COPS3: variants seen among roughly 807,000 people sequenced by gnomAD.
COPS3 encodes COP9 signalosome complex subunit 3.
COPS3 carries 10 observed loss-of-function variants against 58.2 expected under a neutral mutation model. That is an observed-to-expected ratio of 0.17 (90% confidence interval 0.11 to 0.29). The LOEUF is 0.29. Among genes scored for constraint, COPS3 ranks in the 10% least tolerant of loss-of-function variants. The probability of loss-of-function intolerance (pLI) is 1.00; values close to 1 mark genes in which losing one functional copy is unlikely to be tolerated. For missense variants in COPS3, 333 were observed against 510.1 expected (o/e 0.65, Z 3.34); for synonymous variants, 187 against 181.7 (o/e 1.03, Z -0.24).
rs764813786 is a variant in COPS3 at position 17,280,550 on chromosome 17, AAAG to A, written c.55+579_55+581del. 1.5e-3 allele frequency: 1,725 copies of A among 1,187,834 alleles called. 11 individuals carry two copies. The highest frequency in any genetic ancestry group is 6.7e-3 in the East Asian group (92 of 13,680). 73.6% of individuals were successfully genotyped at this position (1,187,834 alleles called of 1,614,324 possible). Reference sequence around the variant, plus strand: ...ACTCCAGCCTCGGCTAAAAAAAAACAAAGAAGAAGAAATGGAGTCCTACGAGCG... The same window carrying A: ...ACTCCAGCCTCGGCTAAAAAAAAACAAAGAAGAAATGGAGTCCTACGAGCG... On this transcript the variant is annotated intron_variant, in intron 1 of 11. Transcript: ENST00000268717.
intron 8 of COPS3, among the ~76,000 whole-genome samples, chr17:17,256,005 TAAAAATACAA>T (rs1182887361): frequency 7.3e-6 from 1 of 136,896 alleles, no homozygotes; most frequent in African/African-American, 2.8e-5. Context: ...CTGTCTCTAC[TAAAAATACAA>T]AAAAAAAAAA....
chr17:17,276,420 C>G (rs559897798), intron 1 of COPS3, among the ~76,000 whole-genome samples: 12 of 134,988 alleles, frequency 8.9e-5, no homozygotes, highest in African/African-American at 2.7e-4. Context: ...ATTCTGTTTT[C>G]TAGTCTCCCA....
At chr17:17,248,821 G>GA in intron 10 of COPS3, 105 bp downstream of exon 10, 1 of 681,060 alleles carries the variant, frequency 1.5e-6, no homozygotes, top group Non-Finnish European at 2.5e-6. Flanking sequence ...CACAGACTGG[G>GA]AACTACCTGT....
At chr17:17,267,731 C>T (rs1417088651) in intron 5 of COPS3, among the ~76,000 whole-genome samples, 154 bp downstream of exon 5, 4 of 152,148 alleles carry the variant, frequency 2.6e-5, no homozygotes, top group Non-Finnish European at 5.9e-5. Context: ...ATCCAGCACC[C>T]GCCTGAATGT....
chr17:17,258,313 T>C (rs1373961051), intron 8 of COPS3, among the ~76,000 whole-genome samples: 2 of 152,148 alleles, frequency 1.3e-5, no homozygotes, highest in African/African-American at 4.8e-5. Context: ...AAAAAATTTT[T>C]TTTGAGACGG....
chr17:17,258,075 T>C (rs770464004), intron 8 of COPS3, among the ~76,000 whole-genome samples: 2 of 152,186 alleles, frequency 1.3e-5, no homozygotes, highest in Non-Finnish European at 2.9e-5. Flanking sequence ...CTATCACAGA[T>C]GTAACCTTCT....
intron 1 of COPS3, among the ~76,000 whole-genome samples, chr17:17,278,887 T>C (rs1326682049): frequency 6.6e-6 from 1 of 151,628 alleles, no homozygotes. Context: ...TCTTTTTTTT[T>C]TTTTTGAGAC....
chr17:17,271,930 T>TTA (rs143071223), intron 2 of COPS3, among the ~76,000 whole-genome samples: 9,960 of 146,180 alleles, frequency 0.068, 419 homozygotes, highest in Middle Eastern at 0.11. Flanking sequence ...CATATATGTT[T>TTA]TATATATATA....
intron 1 of COPS3, among the ~76,000 whole-genome samples, chr17:17,279,491 CTTCCCTGTGAACCTCAT>C (rs2048530742): frequency 6.6e-6 from 1 of 152,140 alleles, no homozygotes; most frequent in Non-Finnish European, 1.5e-5. Context: ...AAGCCTGTGC[CTTCCCTGTGAACCTCAT>C]TTCTATTAAT....
In COPS3 at chr17:17,267,915, C is replaced by G. The variant is rs1398968058; in HGVS notation, c.411G>C (p.Gln137His). The G allele has an allele frequency of 6.2e-7, 1 of 1,613,978 alleles. No homozygotes were observed. Among genetic ancestry groups the G allele is most frequent in the South Asian group, 1.1e-5 (1 of 91,060 alleles). Residue 137 changes from glutamine to histidine, a missense_variant, in exon 5 of 12, where the codon CAG becomes CAC. Coordinates refer to ENST00000268717, the MANE Select transcript of COPS3 (RefSeq NM_003653.4). ...AIDKMQMNTNQLTSIHADLCQ... is the reference protein window; with the variant it reads ...AIDKMQMNTNHLTSIHADLCQ... ...AGAGATCAGCATGTATTGAGGTCAG[C>G]TGGTTTGTATTCATCTGCATCTTGT...
intron 4 of COPS3, among the ~76,000 whole-genome samples, chr17:17,269,664 G>A (rs2048303590): frequency 6.6e-6 from 1 of 152,126 alleles, no homozygotes; most frequent in South Asian, 2.1e-4. Context: ...AAAAGATAAA[G>A]AATGAAATAA....
chr17:17,255,009 G>T, intron 8 of COPS3, 64 bp from the exon 9 acceptor site: 1 of 1,207,918 alleles, frequency 8.3e-7, no homozygotes, highest in Non-Finnish European at 1.2e-6. Flanking sequence ...TTTATTAAAT[G>T]TGTACAGAGC....
In COPS3 at chr17:17,270,749, ATT is replaced by A; in HGVS notation, c.348+7_348+8del. 1.3e-6 allele frequency: 2 copies of A among 1,582,046 alleles called. No individual in the cohort carries two copies. The highest frequency in any genetic ancestry group is 1.7e-6 in the Non-Finnish European group (2 of 1,160,856). On this transcript the variant is annotated splice_region_variant and intron_variant, in intron 4 of 11. Transcript: ENST00000268717. ...ACAAAACTAGGAATACTTGAATAGT[ATT>A]TCTTACCTGTTTTCTTTCCACAAGT...
chr17:17,264,237 TACCTTA>T (rs2048173373), intron 6 of COPS3, among the ~76,000 whole-genome samples: 1 of 152,246 alleles, frequency 6.6e-6, no homozygotes, highest in Non-Finnish European at 1.5e-5. Context: ...CTAACTAATT[TACCTTA>T]AGTAAAGTGG....
At chr17:17,262,525 C>T (rs973708599) in intron 6 of COPS3, among the ~76,000 whole-genome samples, 2 of 151,916 alleles carry the variant, frequency 1.3e-5, no homozygotes, top group African/African-American at 2.4e-5. Context: ...GTCAGGGGAT[C>T]GAGACCAACC....
At chr17:17,249,743 C>T (rs928628566) in intron 9 of COPS3, among the ~76,000 whole-genome samples, 2 of 152,218 alleles carry the variant, frequency 1.3e-5, no homozygotes, top group African/African-American at 4.8e-5. Flanking sequence ...CCATCCGCCT[C>T]GGCTTCCCAA....
At chr17:17,266,556 T>A (rs1325949385) in intron 5 of COPS3, among the ~76,000 whole-genome samples, 1 of 152,072 alleles carries the variant, frequency 6.6e-6, no homozygotes, top group Non-Finnish European at 1.5e-5. Flanking sequence ...CCCAGCACTT[T>A]GGGAGGCTGA....
intron 1 of COPS3, among the ~76,000 whole-genome samples, chr17:17,279,111 T>C (rs2048521663): frequency 6.6e-6 from 1 of 152,120 alleles, no homozygotes; most frequent in South Asian, 2.1e-4. Flanking sequence ...TGACCTCAGA[T>C]GATCCGCCCG....
chr17:17,263,505 C>CTTTTTTTTT (rs1400982096), intron 6 of COPS3, among the ~76,000 whole-genome samples: 6 of 108,492 alleles, frequency 5.5e-5, no homozygotes, highest in Non-Finnish European at 8.9e-5. Flanking sequence ...AGCCTCTTGC[C>CTTTTTTTTT]TTTTCTTTTT....
Sources: gnomAD v4.1 joint callset for allele counts (sites outside exome capture counted in the v4.1 genomes callset) on GRCh38, gnomAD v4.1.1 for gene constraint, MANE v1.5 for transcripts, NCBI Gene and HGNC (gene_info 2026-07-23, HGNC 2026-07-21) for gene names.